Variants in TMEM176A observed in about 807,000 individuals in gnomAD.
TMEM176A encodes hepatocellular carcinoma-associated antigen 112.
A neutral mutation model predicts 27.9 loss-of-function variants in TMEM176A; 20 were observed. The ratio of observed to expected loss-of-function variants is 0.72; its 90% confidence interval spans 0.50 to 1.04. The LOEUF is 1.04. TMEM176A is among the 50% of genes least tolerant of loss of function. The pLI is 0.00. For missense variants in TMEM176A, 252 were observed against 289.1 expected (o/e 0.87, Z 0.93); for synonymous variants, 125 against 118.0 (o/e 1.06, Z -0.38).
At position 150,801,711 on chromosome 7, in the gene TMEM176A, TG is replaced by T; in HGVS notation, c.163del (p.Val55TrpfsTer5). The T allele has an allele frequency of 6.5e-7, 1 of 1,544,868 alleles. No homozygotes were observed. ...ATQARGSSRLLVASWVMQIVL... is the reference protein window; with the variant it reads ...ATQARGSSRLXVASWVMQIVL... Reference sequence around the variant, plus strand: ...CAGGCCAGGGGCAGCAGCCGGCTGCTGGTGGCCTCGTGGGTGAGTGTGACGG... The same window carrying T: ...CAGGCCAGGGGCAGCAGCCGGCTGCTGTGGCCTCGTGGGTGAGTGTGACGG... On this transcript the variant is annotated frameshift_variant, in exon 2 of 7. Transcript: ENST00000004103. LOFTEE classifies it high-confidence loss of function.
rs1798891228 is a variant in TMEM176A at position 150,804,929 on chromosome 7, T to C, written c.*61T>C. On this transcript the variant is annotated 3_prime_UTR_variant, in exon 7 of 7. Transcript: ENST00000004103. ...TGCACCGGGCGTCCCTGCATCTGAC[T>C]GCTGGAAGAAGAACCAGACTGAGGA... 2.6e-6 allele frequency: 4 copies of C among 1,565,830 alleles called. No individual in the cohort carries two copies. The African/African-American group carries it at 4.1e-5, about 16-fold the overall frequency.
At chr7:150,801,148 G>T in intron 1 of TMEM176A, 1 of 248,586 alleles carries the variant, frequency 4.0e-6, no homozygotes, top group Non-Finnish European at 6.5e-6. Context: ...TCCACAGGCA[G>T]CCAAGGACTC....
chr7:150,803,429 T>G lies in TMEM176A; in HGVS notation c.315T>G (p.Ile105Met), dbSNP rs1798858088. 1 of 1,596,736 alleles carries G rather than the reference T, an allele frequency of 6.3e-7. No individual in the cohort carries two copies. The highest frequency in any genetic ancestry group is 1.3e-5 in the African/African-American group (1 of 74,344). The stretch of plus-strand genomic sequence containing the variant: ...TGCTGGCTGGAGCTGCTGCCTTCAT[T>G]TACGAGAAACGGGGTGGTACATACT... ...VAVLAGAAAF[I>M]YEKRGGTYWA... Residue 105 changes from isoleucine to methionine, a missense_variant, in exon 4 of 7, where the codon ATT becomes ATG. Transcript: ENST00000004103.
chr7:150,802,512 G>A, intron 3 of TMEM176A, 187 bp downstream of exon 3: 1 of 695,352 alleles, frequency 1.4e-6, no homozygotes, highest in Admixed American at 2.8e-5. Context: ...TATTCACACT[G>A]TCTGCTCTCC....
chr7:150,801,830 A>T, intron 2 of TMEM176A, 106 bp downstream of exon 2: 4 of 1,120,268 alleles, frequency 3.6e-6, no homozygotes, highest in Non-Finnish European at 4.9e-6. Context: ...CGAGCCAGTT[A>T]TGTCTTCTTA....
At position 150,804,382 on chromosome 7, in the gene TMEM176A, G is replaced by T; in HGVS notation, c.576G>T (p.Gln192His). The T allele has an allele frequency of 1.9e-6, 3 of 1,614,178 alleles. No homozygotes were observed. The highest frequency in any genetic ancestry group is 2.5e-6 in the Non-Finnish European group (3 of 1,180,012). The change falls in exon 6 of 7, where the codon CAG becomes CAT. Residue 192 changes from glutamine to histidine, a missense_variant. Gln to His is a conservative substitution (Grantham distance 24). Coordinates refer to ENST00000004103, the MANE Select transcript of TMEM176A (RefSeq NM_018487.3). ...DMLKALFRTL[Q>H]AMLLGVWILL... ...CCCAGGCCTTGTTCAGAACCCTTCA[G>T]GCCATGCTCTTGGGTGTCTGGATTC...
At chr7:150,803,189 T>C in intron 3 of TMEM176A, 1 of 1,308,704 alleles carries the variant, frequency 7.6e-7, no homozygotes. Flanking sequence ...CCACAAGCTC[T>C]TAGGTGTCAC....
At chr7:150,802,073 C>CCTTTTCTCTTCTCTT in intron 2 of TMEM176A, 142 bp from the exon 3 acceptor site, 1 of 510,326 alleles carries the variant, frequency 2.0e-6, no homozygotes, top group Non-Finnish European at 3.4e-6. Flanking sequence ...TCTTTCTTCT[C>CCTTTTCTCTTCTCTT]CTTTTCTCTT....
intron 2 of TMEM176A, 161 bp downstream of exon 2, chr7:150,801,885 G>A: frequency 1.2e-6 from 1 of 800,766 alleles, no homozygotes; most frequent in South Asian, 1.8e-5. Flanking sequence ...AGCCTGGGGA[G>A]GGGAGGCTCT....
chr7:150,804,176 G>A (rs1423942483), intron 5 of TMEM176A, among the ~76,000 whole-genome samples, 186 bp from the exon 6 acceptor site: 1 of 152,206 alleles, frequency 6.6e-6, no homozygotes, highest in Non-Finnish European at 1.5e-5. Context: ...TACAAATGAG[G>A]ACACAGGCCC....
rs1798824082 is a variant in TMEM176A at position 150,802,258 on chromosome 7, G to T, written c.218G>T (p.Gly73Val). ...VLGILSAVLG[G>V]FFYIRDYTLL... ...GGGATCTTGAGTGCAGTCCTAGGAG[G>T]ATTTTTCTACATCCGCGACTACACC... The change falls in exon 3 of 7, where the codon GGA (glycine) becomes GTA (valine). Residue 73 changes from glycine (G) to valine (V), a missense_variant. Physicochemically the swap from Gly to Val is moderately radical, Grantham distance 109. Transcript: ENST00000004103. 1 of 1,613,448 alleles carries T rather than the reference G, an allele frequency of 6.2e-7. No individual in the cohort carries two copies. Among genetic ancestry groups the T allele is most frequent in the South Asian group, 1.1e-5 (1 of 91,034 alleles).
At chr7:150,803,490 G>A in intron 4 of TMEM176A, 34 bp downstream of exon 4, 2 of 1,575,874 alleles carry the variant, frequency 1.3e-6, no homozygotes, top group Non-Finnish European at 1.7e-6. Flanking sequence ...AGGGGACCAG[G>A]TTCAGGCTGG....
In TMEM176A at chr7:150,800,999, A is replaced by G. The variant is rs776915395; in HGVS notation, c.-16+171A>G. On this transcript the variant is annotated intron_variant, in intron 1 of 6. Coordinates refer to ENST00000004103, the MANE Select transcript of TMEM176A (RefSeq NM_018487.3). ...GCCCCGGCTTTTGACCTACCTCCGC[A>G]CCGCAGCGCGGTCCTTCACGGGGCA... 339 of 985,568 alleles carry G rather than the reference A, an allele frequency of 3.4e-4. 1 individual carries two copies. The highest frequency in any genetic ancestry group is 5.2e-4 in the Middle Eastern group (1 of 1,916). 61.1% of individuals were successfully genotyped at this position (985,568 alleles called of 1,614,324 possible).
chr7:150,801,644 C>G lies in TMEM176A; in HGVS notation c.94C>G (p.Leu32Val). 6.2e-7 allele frequency: 1 copy of G among 1,613,366 alleles called. No homozygotes were observed. Among genetic ancestry groups the G allele is most frequent in the Non-Finnish European group, 8.5e-7 (1 of 1,179,902 alleles). ...HIHQESALAK[L>V]LLTCCSALRP... ...CCACCAGGAGTCTGCCCTGGCCAAG[C>G]TCCTGCTCACCTGCTGCTCTGCGCT... The change falls in exon 2 of 7, where the codon CTC becomes GTC. Residue 32 changes from leucine to valine, a missense_variant. Transcript: ENST00000004103.
rs534938676 is a variant in TMEM176A at position 150,801,270 on chromosome 7, T to C, written c.-15-266T>C. On this transcript the variant is annotated intron_variant, in intron 1 of 6. Coordinates refer to ENST00000004103, the MANE Select transcript of TMEM176A (RefSeq NM_018487.3). Reference sequence around the variant, plus strand: ...CTGCTTGACCCAGACGCCAGGGCCCTGGGAGGAGGATGAGGGGGACAGAGC... The same window carrying C: ...CTGCTTGACCCAGACGCCAGGGCCCCGGGAGGAGGATGAGGGGGACAGAGC... 6 of 346,542 alleles carry C rather than the reference T, an allele frequency of 1.7e-5. No individual in the cohort carries two copies. In the South Asian group the frequency reaches 4.4e-4, roughly 25 times the overall value. The allele number at this position is 346,542 out of a possible 1,614,324, so 21.5% of individuals were successfully genotyped here.
At chr7:150,802,614 C>A (rs1798836997) in intron 3 of TMEM176A, 1 of 904,774 alleles carries the variant, frequency 1.1e-6, no homozygotes, top group Non-Finnish European at 1.5e-6. Context: ...ACCTGCTCAT[C>A]TCCAGATACT....
intron 3 of TMEM176A, 169 bp from the exon 4 acceptor site, chr7:150,803,231 G>T: frequency 7.4e-7 from 1 of 1,353,426 alleles, no homozygotes. Flanking sequence ...CTCAGGAGTT[G>T]GATCCAGGCT....
chr7:150,803,739 C>G lies in TMEM176A; in HGVS notation c.462C>G (p.Ser154=), dbSNP rs1193888912. ...YSYYNSACRI[S]SSSDWNTPAP... ...ATTACAACAGTGCCTGCCGCATCTC[C>G]AGCTCGAGTGACTGGAACACTCCAG... Residue 154 remains serine, a synonymous_variant, in exon 5 of 7, where the codon TCC becomes TCG. Coordinates refer to ENST00000004103, the MANE Select transcript of TMEM176A (RefSeq NM_018487.3). The G allele has an allele frequency of 6.2e-7, 1 of 1,614,230 alleles. No homozygotes were observed. Among genetic ancestry groups the G allele is most frequent in the Admixed American group, 1.7e-5 (1 of 60,030 alleles).
At chr7:150,802,389 C>A in intron 3 of TMEM176A, 64 bp downstream of exon 3, 1 of 1,409,346 alleles carries the variant, frequency 7.1e-7, no homozygotes, top group East Asian at 2.3e-5. Flanking sequence ...CTCCTGATTG[C>A]CTTCCTCCAA....
Sources: allele counts gnomAD v4.1 joint callset (sites outside exome capture counted in the v4.1 genomes callset), GRCh38; gene constraint gnomAD v4.1.1; transcripts MANE v1.5; gene names NCBI Gene and HGNC (gene_info 2026-07-23, HGNC 2026-07-21).